NDST4: variants seen among roughly 807,000 people sequenced by gnomAD.
NDST4 encodes N-deacetylase and N-sulfotransferase 4.
Under a neutral mutation model 100.8 loss-of-function variants are expected in NDST4, and 63 were observed. The observed-to-expected ratio is 0.62, with a 90% CI of 0.51 to 0.77. The LOEUF (loss-of-function observed/expected upper bound fraction) is 0.77, where lower values mean the gene tolerates loss of function less well. Ranked by LOEUF, NDST4 falls within the 30% of genes least tolerant of loss-of-function variation. NDST4 has a pLI of 0.00. For synonymous variants in NDST4, 377 were observed against 361.8 expected (o/e 1.04, Z -0.48); for missense variants, 943 against 1,018.4 (o/e 0.93, Z 1.01).
chr4:115,084,957 C>G (rs1405695090), intron 1 of NDST4, among the ~76,000 whole-genome samples: 1 of 152,108 alleles, frequency 6.6e-6, no homozygotes, highest in Non-Finnish European at 1.5e-5. Context: ...GGTAAATTCA[C>G]CACATCTTGC....
chr4:114,866,927 C>T (rs1036765774), intron 7 of NDST4, among the ~76,000 whole-genome samples: 1 of 152,070 alleles, frequency 6.6e-6, no homozygotes, highest in African/African-American at 2.4e-5. Context: ...TGAGGAGTTA[C>T]CCCTGAAATT....
chr4:114,970,927 T>C (rs1378798552), intron 3 of NDST4, among the ~76,000 whole-genome samples: 1 of 152,154 alleles, frequency 6.6e-6, no homozygotes, highest in Admixed American at 6.6e-5. Flanking sequence ...TCTCAAATAA[T>C]TGGACATAAA....
intron 1 of NDST4, among the ~76,000 whole-genome samples, chr4:115,088,816 C>G (rs1436613585): frequency 6.6e-6 from 1 of 151,944 alleles, no homozygotes; most frequent in Non-Finnish European, 1.5e-5. Flanking sequence ...TAAGTCTAAT[C>G]AGTTCTTATT....
intron 2 of NDST4, among the ~76,000 whole-genome samples, chr4:115,014,981 C>G (rs556673051): frequency 6.6e-6 from 1 of 152,012 alleles, no homozygotes; most frequent in African/African-American, 2.4e-5. Context: ...AAAGTCTAAC[C>G]TGGATTATAA....
chr4:114,912,403 G>A (rs925183023), intron 6 of NDST4, among the ~76,000 whole-genome samples: 3 of 152,102 alleles, frequency 2.0e-5, no homozygotes, highest in Non-Finnish European at 2.9e-5. Flanking sequence ...TGGAGACTTC[G>A]TAAATGTCAA....
chr4:114,950,344 G>T (rs1467844164), intron 4 of NDST4, among the ~76,000 whole-genome samples: 1 of 151,878 alleles, frequency 6.6e-6, no homozygotes, highest in Non-Finnish European at 1.5e-5. Context: ...TATTTCTAAG[G>T]GTATAGTAGG....
chr4:115,083,118 G>C (rs1040925367), intron 1 of NDST4, among the ~76,000 whole-genome samples: 3 of 151,980 alleles, frequency 2.0e-5, no homozygotes, highest in Non-Finnish European at 4.4e-5. Context: ...TAAAGAATTA[G>C]CTCATATTTT....
chr4:114,933,432 C>CTTTTTTTTTTT (rs367931653), intron 6 of NDST4, among the ~76,000 whole-genome samples: 1 of 89,278 alleles, frequency 1.1e-5, no homozygotes, highest in Non-Finnish European at 2.1e-5. Context: ...TTTTCTTTTC[C>CTTTTTTTTTTT]TTTTTTTTTT....
At chr4:115,030,873 T>C (rs1728099678) in intron 2 of NDST4, among the ~76,000 whole-genome samples, 1 of 152,060 alleles carries the variant, frequency 6.6e-6, no homozygotes, top group African/African-American at 2.4e-5. Flanking sequence ...TCAACTTTAA[T>C]CTAGAAATGG....
Position 114,829,093 on chromosome 4 carries a change from A to G in NDST4, c.2499+697T>C, listed in dbSNP as rs1234004208. On this transcript the variant is annotated intron_variant, in intron 13 of 13. Transcript: ENST00000264363. The stretch of plus-strand genomic sequence containing the variant: ...AAATGTAGCTTAAGGACCTTCTAGT[A>G]TATCTATTTCCATAGTAACCCATGA... Among the ~76,000 whole-genome samples the G allele has an allele frequency of 3.9e-5, 6 of 152,250 alleles. No homozygotes were observed. In the East Asian group the frequency reaches 7.7e-4, roughly 20 times the overall value.
intron 2 of NDST4, among the ~76,000 whole-genome samples, chr4:115,039,734 G>A (rs879385880): frequency 6.6e-6 from 1 of 152,070 alleles, no homozygotes; most frequent in Non-Finnish European, 1.5e-5. Flanking sequence ...AGACAAGAGT[G>A]TGTGGTATAT....
intron 6 of NDST4, among the ~76,000 whole-genome samples, chr4:114,872,748 G>GA (rs965907285): frequency 1.4e-4 from 21 of 151,400 alleles, no homozygotes; most frequent in African/African-American, 3.9e-4. Context: ...TTTTACAGAT[G>GA]AAAAAAAATG....
chr4:114,948,281 C>T (rs1380095716), intron 4 of NDST4, among the ~76,000 whole-genome samples: 1 of 149,202 alleles, frequency 6.7e-6, no homozygotes, highest in Non-Finnish European at 1.5e-5. Flanking sequence ...CCCTCCCCCA[C>T]CCCCCAAATA....
intron 1 of NDST4, among the ~76,000 whole-genome samples, chr4:115,088,292 T>C (rs1318170566): frequency 6.6e-6 from 1 of 150,576 alleles, no homozygotes. Flanking sequence ...CCTGATTCCA[T>C]AGATAATGTA....
At chr4:114,965,067 C>T (rs1312874879) in intron 4 of NDST4, among the ~76,000 whole-genome samples, 1 of 151,940 alleles carries the variant, frequency 6.6e-6, no homozygotes, top group Non-Finnish European at 1.5e-5. Context: ...ACTATTTATT[C>T]ATTGTGAATT....
chr4:114,989,827 G>A (rs1726996991), intron 2 of NDST4, among the ~76,000 whole-genome samples: 1 of 152,150 alleles, frequency 6.6e-6, no homozygotes, highest in South Asian at 2.1e-4. Context: ...AATGCAGGTT[G>A]TGAAAGAATT....
At chr4:114,841,483 A>T (rs1437607932) in intron 10 of NDST4, among the ~76,000 whole-genome samples, 1 of 152,232 alleles carries the variant, frequency 6.6e-6, no homozygotes, top group Non-Finnish European at 1.5e-5. Context: ...TCAAACCTGT[A>T]TGTATGTTCA....
At position 115,049,606 on chromosome 4, in the gene NDST4, C is replaced by T. The variant is rs144914033; in HGVS notation, c.978+26453G>A. 6.5e-4 allele frequency among the ~76,000 whole-genome samples: 99 copies of T among 152,126 alleles called. No individual in the cohort carries two copies. The South Asian group carries it at 0.01, about 16-fold the overall frequency. ...ATATTTCAGCAACTGAAGTTGCATA[C>T]GGAGTAACTGGAGAATTAGACTTAA... On this transcript the variant is annotated intron_variant, in intron 2 of 13. Transcript: ENST00000264363.
intron 10 of NDST4, among the ~76,000 whole-genome samples, chr4:114,840,929 A>T (rs1009890044): frequency 6.6e-6 from 1 of 152,146 alleles, no homozygotes; most frequent in Non-Finnish European, 1.5e-5. Flanking sequence ...TTGTTGTTGT[A>T]TATTTATTGA....
Sources: allele counts gnomAD v4.1 joint callset (sites outside exome capture counted in the v4.1 genomes callset), GRCh38; gene constraint gnomAD v4.1.1; transcripts MANE v1.5; gene names NCBI Gene and HGNC (gene_info 2026-07-23, HGNC 2026-07-21).